The following PTPN13 variants were observed in gnomAD, a reference collection of about 807,000 sequenced individuals.
PTPN13 encodes protein tyrosine phosphatase non-receptor type 13, also known as tyrosine-protein phosphatase non-receptor type 13.
In PTPN13, 191 loss-of-function variants were observed where a neutral mutation model predicts 284.0. The observed-to-expected ratio is 0.67, with a 90% CI of 0.60 to 0.76. The LOEUF is 0.76. Among genes scored for constraint, PTPN13 ranks in the 30% least tolerant of loss-of-function variants. The pLI is 0.00. For missense variants in PTPN13, 2,797 were observed against 2,939.9 expected (o/e 0.95, Z 1.12); for synonymous variants, 986 against 1,022.3 (o/e 0.96, Z 0.68).
rs768021328 is a variant in PTPN13, at chr4:86,775,410, CTG to C, written c.5681-31_5681-30del. On this transcript the variant is annotated intron_variant, in intron 34 of 47. Transcript: ENST00000411767. ...AGCTTAAGAGTAAGTACTTTTATGA[CTG>C]AGAAAACAAATATTTTCTATTATTT... The C allele has an allele frequency of 1.9e-6, 3 of 1,596,414 alleles. No homozygotes were observed. The South Asian group carries it at 3.3e-5, about 18-fold the overall frequency.
intron 23 of PTPN13, among the ~76,000 whole-genome samples, chr4:86,760,551 T>C (rs1476794977): frequency 6.6e-6 from 1 of 152,186 alleles, no homozygotes; most frequent in Non-Finnish European, 1.5e-5. Flanking sequence ...TCTGCCCTAA[T>C]GGAAGTTACT....
chr4:86,602,758 A>G (rs1028685565), intron 1 of PTPN13, among the ~76,000 whole-genome samples: 1 of 151,242 alleles, frequency 6.6e-6, no homozygotes, highest in African/African-American at 2.4e-5. Flanking sequence ...ACCCAATCAC[A>G]GGTTACTGCA....
chr4:86,658,738 T>C (rs964896246), intron 2 of PTPN13, among the ~76,000 whole-genome samples: 1 of 152,126 alleles, frequency 6.6e-6, no homozygotes, highest in Non-Finnish European at 1.5e-5. Flanking sequence ...GAAGATATAA[T>C]AGTTGATAAT....
intron 40 of PTPN13, among the ~76,000 whole-genome samples, chr4:86,794,218 A>C (rs1458666928): frequency 6.6e-6 from 1 of 152,152 alleles, no homozygotes; most frequent in Non-Finnish European, 1.5e-5. Context: ...CAGGGTACAA[A>C]ATCAATGTGC....
At chr4:86,640,742 A>G (rs776585355) in intron 2 of PTPN13, among the ~76,000 whole-genome samples, 6 of 152,214 alleles carry the variant, frequency 3.9e-5, no homozygotes, top group Non-Finnish European at 8.8e-5. Flanking sequence ...CATAATGTTA[A>G]TAGAGATCAA....
In PTPN13 at chr4:86,813,048, A is replaced by G. The variant is rs187785178; in HGVS notation, c.7363-1408A>G. On this transcript the variant is annotated intron_variant, in intron 47 of 47. Coordinates refer to ENST00000411767, the MANE Select transcript of PTPN13 (RefSeq NM_080683.3). The stretch of plus-strand genomic sequence containing the variant: ...GGTGTCAGAGAAAGAGTCAAGGATG[A>G]ATGTGTGGAAAAGTTAAAATACAGA... Among the ~76,000 whole-genome samples, 360 of 152,274 alleles carry G rather than the reference A, an allele frequency of 2.4e-3. 3 individuals carry two copies. The highest frequency in any genetic ancestry group is 8.3e-3 in the African/African-American group (345 of 41,572).
At chr4:86,747,086 A>G (rs1736850047) in intron 17 of PTPN13, among the ~76,000 whole-genome samples, 1 of 152,254 alleles carries the variant, frequency 6.6e-6, no homozygotes. Context: ...TAACAACTGA[A>G]GATTACTTCA....
Position 86,775,623 on chromosome 4 carries a change from A to C in PTPN13, c.5862A>C (p.Ser1954=). The C allele has an allele frequency of 2.5e-6, 4 of 1,612,660 alleles. No homozygotes were observed. Among genetic ancestry groups the C allele is most frequent in the Non-Finnish European group, 2.5e-6 (3 of 1,179,334 alleles). ...LEEVNRALDM[S]LPSLVLKATR... The stretch of plus-strand genomic sequence containing the variant: ...AAGTTAACAGAGCATTAGACATGTC[A>C]CTTCCTTCATTGGTATTGAAAGCAA... The change falls in exon 35 of 48, where the codon TCA becomes TCC. Residue 1954 remains serine (S), a synonymous_variant. Coordinates refer to ENST00000411767, the MANE Select transcript of PTPN13 (RefSeq NM_080683.3).
chr4:86,657,498 C>T (rs1207014275), intron 2 of PTPN13, among the ~76,000 whole-genome samples: 1 of 152,218 alleles, frequency 6.6e-6, no homozygotes, highest in Non-Finnish European at 1.5e-5. Flanking sequence ...GAAGGAACCT[C>T]TCTCTGTACT....
chr4:86,714,614 TTC>T (rs1449923581), intron 7 of PTPN13, among the ~76,000 whole-genome samples: 3 of 152,128 alleles, frequency 2.0e-5, no homozygotes, highest in Non-Finnish European at 2.9e-5. Flanking sequence ...TGGATACTCA[TTC>T]TCTCAAATTC....
chr4:86,785,374 T>G lies in PTPN13; in HGVS notation c.6256+6T>G. 1 of 1,606,810 alleles carries G rather than the reference T, an allele frequency of 6.2e-7. No homozygotes were observed. The highest frequency in any genetic ancestry group is 1.7e-5 in the Admixed American group (1 of 58,554). ...AGGATACTCCTGTGGTCCAGGTACGTGAACCAGATGAATAAATTGGTATAC... is the reference window on the plus strand; with the variant it reads ...AGGATACTCCTGTGGTCCAGGTACGGGAACCAGATGAATAAATTGGTATAC... On this transcript the variant is annotated splice_donor_region_variant and intron_variant, in intron 39 of 47. Coordinates refer to ENST00000411767, the MANE Select transcript of PTPN13 (RefSeq NM_080683.3).
chr4:86,785,795 T>C, intron 39 of PTPN13, 53 bp from the exon 40 acceptor site: 2 of 1,169,840 alleles, frequency 1.7e-6, no homozygotes, highest in South Asian at 3.3e-5. Flanking sequence ...AAAACTTTTC[T>C]ACTTCCTCAA....
intron 1 of PTPN13, among the ~76,000 whole-genome samples, chr4:86,622,709 C>T (rs1184374690): frequency 6.6e-6 from 1 of 152,062 alleles, no homozygotes; most frequent in Admixed American, 6.6e-5. Context: ...TCTTGTTAGT[C>T]TTCATCTCTC....
chr4:86,730,490 T>C (rs1486142221), intron 10 of PTPN13, among the ~76,000 whole-genome samples: 1 of 149,752 alleles, frequency 6.7e-6, no homozygotes, highest in African/African-American at 2.4e-5. Context: ...CCGTTTTGTT[T>C]ACCTACTCAA....
chr4:86,771,833 A>G (rs1438940047), intron 31 of PTPN13, among the ~76,000 whole-genome samples: 1 of 152,216 alleles, frequency 6.6e-6, no homozygotes. Flanking sequence ...AACAGAATAG[A>G]CTTATTTAGG....
chr4:86,622,361 C>T (rs1039560157), intron 1 of PTPN13, among the ~76,000 whole-genome samples: 9 of 152,102 alleles, frequency 5.9e-5, no homozygotes, highest in Admixed American at 1.3e-4. Context: ...TTACAGAATA[C>T]GAGCTTATGG....
At chr4:86,764,800 T>G (rs1398478775) in intron 25 of PTPN13, 76 bp downstream of exon 25, 1 of 1,473,802 alleles carries the variant, frequency 6.8e-7, no homozygotes. Flanking sequence ...ACTTTTTAAT[T>G]GAATTATTTT....
intron 14 of PTPN13, 110 bp downstream of exon 14, chr4:86,734,985 T>TG: frequency 7.9e-7 from 1 of 1,265,722 alleles, no homozygotes; most frequent in Non-Finnish European, 1.1e-6. Context: ...TGAAGATTTT[T>TG]GAGGCTTCTT....
Position 86,752,185 on chromosome 4 carries a change from TGTC to T in PTPN13, c.3167-823_3167-821del, listed in dbSNP as rs1454653216. Among the ~76,000 whole-genome samples, 6 of 152,306 alleles carry T rather than the reference TGTC, an allele frequency of 3.9e-5. No individual in the cohort carries two copies. In the South Asian group the frequency reaches 8.3e-4, roughly 21 times the overall value. The stretch of plus-strand genomic sequence containing the variant: ...GAAATGAGGACTGTTTCCCTTCTGT[TGTC>T]TTACGAAATACTACTAAACTCTCTT... On this transcript the variant is annotated intron_variant, in intron 19 of 47. Coordinates refer to ENST00000411767, the MANE Select transcript of PTPN13 (RefSeq NM_080683.3).
Sources: allele counts gnomAD v4.1 joint callset (sites outside exome capture counted in the v4.1 genomes callset), GRCh38; gene constraint gnomAD v4.1.1; transcripts MANE v1.5; gene names NCBI Gene and HGNC (gene_info 2026-07-23, HGNC 2026-07-21).